THSD7B: variants seen among roughly 807,000 people sequenced by gnomAD.
THSD7B encodes the protein thrombospondin type 1 domain containing 7B, also known as thrombospondin type-1 domain-containing protein 7B.
In THSD7B, 138 loss-of-function variants were observed where a neutral mutation model predicts 213.6. The ratio of observed to expected loss-of-function variants is 0.65; its 90% CI spans 0.56 to 0.74. The LOEUF is 0.74. THSD7B is among the 30% of genes least tolerant of loss of function. THSD7B has a pLI of 0.00. For missense variants in THSD7B, 1,931 were observed against 1,991.5 expected, an observed-to-expected ratio of 0.97 and a Z score of 0.58; for synonymous variants, 742 against 687.0, an observed-to-expected ratio of 1.08 and a Z score of -1.25.
At position 137,231,164 on chromosome 2, in the gene THSD7B, A is replaced by G. The variant is rs771400196; in HGVS notation, c.1844A>G (p.Gln615Arg). Residue 615 changes from glutamine to arginine, a missense_variant, in exon 8 of 28, where the codon CAG becomes CGG. By Grantham distance (43) the Gln-to-Arg change is conservative. Transcript: ENST00000409968. Reference sequence around the variant, plus strand: ...TGGACGGAGTGGTCATCCTGTTCCCAGTCCTGTTCAAATAAAAACTCAGAT... The same window carrying G: ...TGGACGGAGTGGTCATCCTGTTCCCGGTCCTGTTCAAATAAAAACTCAGAT... ...SEWTEWSSCS[Q>R]SCSNKNSDGK... The G allele has an allele frequency of 6.2e-6, 10 of 1,613,668 alleles. No homozygotes were observed. The highest frequency in any genetic ancestry group is 3.3e-5 in the South Asian group (3 of 91,040).
intron 3 of THSD7B, among the ~76,000 whole-genome samples, chr2:137,075,017 C>T (rs1355741603): frequency 2.0e-5 from 3 of 152,288 alleles, no homozygotes; most frequent in Admixed American, 1.3e-4. Context: ...CTGCTCTTAA[C>T]ATTTTTTCCT....
chr2:137,338,868 G>T (rs993917630), intron 12 of THSD7B, among the ~76,000 whole-genome samples: 1 of 152,002 alleles, frequency 6.6e-6, no homozygotes, highest in Non-Finnish European at 1.5e-5. Flanking sequence ...ATGTGACAAA[G>T]TTCGTGGCTG....
chr2:137,661,985 C>T (rs180676677), intron 25 of THSD7B, among the ~76,000 whole-genome samples: 66 of 151,986 alleles, frequency 4.3e-4, no homozygotes, highest in Admixed American at 1.4e-3. Context: ...TTAGTGAGCA[C>T]GGTTGAGCCC....
rs1443477905 is a variant in THSD7B, at chr2:137,329,378, TTTG to T, written c.2500+53356_2500+53358del. 2.6e-5 allele frequency among the ~76,000 whole-genome samples: 4 copies of T among 152,272 alleles called. No homozygotes were observed. The East Asian group carries it at 7.7e-4, about 29-fold the overall frequency. On this transcript the variant is annotated intron_variant, in intron 12 of 27. Transcript: ENST00000409968. The stretch of plus-strand genomic sequence containing the variant: ...CTGGTAGAAGAAATTTCTTTGTTTG[TTTG>T]TTGAGACAGAGTCTCGCACTGTTGC...
intron 17 of THSD7B, among the ~76,000 whole-genome samples, chr2:137,598,256 A>G (rs1389552927): frequency 6.6e-6 from 1 of 152,222 alleles, no homozygotes; most frequent in Non-Finnish European, 1.5e-5. Context: ...AGTTGCCAAT[A>G]TGCTAAGAAA....
At chr2:137,284,393 A>C (rs1486581326) in intron 12 of THSD7B, among the ~76,000 whole-genome samples, 1 of 151,732 alleles carries the variant, frequency 6.6e-6, no homozygotes, top group East Asian at 1.9e-4. Context: ...TTGTGTCTCT[A>C]TTTCCTTCAG....
intron 17 of THSD7B, among the ~76,000 whole-genome samples, chr2:137,582,975 A>G (rs1357173017): frequency 1.3e-5 from 2 of 152,134 alleles, no homozygotes; most frequent in Non-Finnish European, 2.9e-5. Context: ...AAGTGTTCCT[A>G]TTTCTCCACA....
At chr2:137,147,528 GT>G (rs375664605) in intron 5 of THSD7B, among the ~76,000 whole-genome samples, 10 of 147,622 alleles carry the variant, frequency 6.8e-5, no homozygotes, top group African/African-American at 7.4e-5. Context: ...ACCTTGTCTG[GT>G]TTTTTTTTTG....
At chr2:137,042,470 A>G (rs1686901314) in intron 2 of THSD7B, among the ~76,000 whole-genome samples, 1 of 152,140 alleles carries the variant, frequency 6.6e-6, no homozygotes, top group Non-Finnish European at 1.5e-5. Context: ...CTAGGGATAA[A>G]TTCTTGAGGA....
At chr2:137,188,095 A>G (rs145318477) in intron 7 of THSD7B, among the ~76,000 whole-genome samples, 1 of 152,332 alleles carries the variant, frequency 6.6e-6, no homozygotes, top group Non-Finnish European at 1.5e-5. Flanking sequence ...TATTTAAAGA[A>G]TTAAATGAAT....
intron 15 of THSD7B, among the ~76,000 whole-genome samples, chr2:137,454,511 T>A (rs1180636380): frequency 1.3e-5 from 2 of 152,072 alleles, no homozygotes; most frequent in East Asian, 3.9e-4. Context: ...TGTGGAAAGA[T>A]CTCTGTGGTG....
intron 1 of THSD7B, among the ~76,000 whole-genome samples, chr2:136,860,823 A>G (rs1683247424): frequency 6.6e-6 from 1 of 152,234 alleles, no homozygotes; most frequent in Non-Finnish European, 1.5e-5. Context: ...CTCATAGTAA[A>G]AGCCAAAGTC....
intron 14 of THSD7B, among the ~76,000 whole-genome samples, chr2:137,438,880 T>A (rs1687343304): frequency 6.6e-6 from 1 of 152,126 alleles, no homozygotes; most frequent in African/African-American, 2.4e-5. Context: ...GAACTTGAGA[T>A]GAGATCATCC....
At chr2:137,282,129 T>C (rs1229272235) in intron 12 of THSD7B, among the ~76,000 whole-genome samples, 1 of 152,074 alleles carries the variant, frequency 6.6e-6, no homozygotes, top group Non-Finnish European at 1.5e-5. Flanking sequence ...CATTGTGGTT[T>C]TGATTTGCAT....
At chr2:136,887,113 A>C (rs1330762829) in intron 2 of THSD7B, among the ~76,000 whole-genome samples, 1 of 152,166 alleles carries the variant, frequency 6.6e-6, no homozygotes, top group Non-Finnish European at 1.5e-5. Flanking sequence ...TTACCATTTT[A>C]ACCACTTCAA....
intron 2 of THSD7B, among the ~76,000 whole-genome samples, chr2:137,054,479 C>A (rs1687123905): frequency 6.6e-6 from 1 of 152,164 alleles, no homozygotes; most frequent in South Asian, 2.1e-4. Context: ...AGTGACAGAT[C>A]CTCATTTTAG....
chr2:136,857,638 C>T (rs912422707), intron 1 of THSD7B, among the ~76,000 whole-genome samples: 34 of 148,874 alleles, frequency 2.3e-4, no homozygotes, highest in African/African-American at 7.1e-4. Flanking sequence ...CACACACACA[C>T]GAATGAATTT....
intron 13 of THSD7B, among the ~76,000 whole-genome samples, chr2:137,409,822 A>T (rs541573495): frequency 1.3e-5 from 2 of 152,358 alleles, no homozygotes; most frequent in Admixed American, 6.5e-5. Flanking sequence ...CGAGAATGAA[A>T]GTGTAGTCAA....
intron 27 of THSD7B, among the ~76,000 whole-genome samples, chr2:137,675,794 G>A (rs1488619697): frequency 2.0e-5 from 3 of 152,070 alleles, no homozygotes; most frequent in Non-Finnish European, 4.4e-5. Flanking sequence ...GGATAAGTGT[G>A]GTGGTGAGAG....
Sources: gnomAD v4.1 joint callset for allele counts (sites outside exome capture counted in the v4.1 genomes callset) on GRCh38, gnomAD v4.1.1 for gene constraint, MANE v1.5 for transcripts, NCBI Gene and HGNC (gene_info 2026-07-23, HGNC 2026-07-21) for gene names.